Variants in DPP10 observed in about 807,000 individuals in gnomAD.
DPP10 encodes the protein dipeptidyl peptidase like 10.
DPP10 carries 33 observed loss-of-function variants against 120.9 expected under a neutral mutation model. That is an observed-to-expected ratio of 0.27 (90% CI 0.21 to 0.37). DPP10 has a LOEUF of 0.37. Ranked by LOEUF, DPP10 falls within the 10% of genes least tolerant of loss-of-function variation. The pLI is 1.00. For missense variants in DPP10, 816 were observed against 942.8 expected, an observed-to-expected ratio of 0.87 and a Z score of 1.76; for synonymous variants, 337 against 326.1, an observed-to-expected ratio of 1.03 and a Z score of -0.36.
intron 2 of DPP10, among the ~76,000 whole-genome samples, chr2:115,316,339 A>G (rs1574398029): frequency 1.3e-5 from 2 of 152,228 alleles, no homozygotes; most frequent in African/African-American, 2.4e-5. Flanking sequence ...AAGTTAAGAC[A>G]TATTCTTGTG....
chr2:115,512,187 A>G (rs1349672702), intron 4 of DPP10, among the ~76,000 whole-genome samples: 9 of 151,756 alleles, frequency 5.9e-5, no homozygotes, highest in Admixed American at 2.0e-4. Context: ...TGTAGCCCCA[A>G]TCTCCCAGGC....
intron 1 of DPP10, among the ~76,000 whole-genome samples, chr2:114,512,070 A>G (rs1172129457): frequency 6.6e-6 from 1 of 152,244 alleles, no homozygotes; most frequent in African/African-American, 2.4e-5. Context: ...GTCTTTGAAC[A>G]TAGCAATGAA....
chr2:115,258,446 G>A (rs1306385136), intron 1 of DPP10, among the ~76,000 whole-genome samples: 2 of 145,640 alleles, frequency 1.4e-5, no homozygotes, highest in African/African-American at 2.5e-5. Flanking sequence ...AAACAAAATT[G>A]TTCTAGCTTA....
chr2:115,071,511 G>C (rs1337939263), intron 1 of DPP10, among the ~76,000 whole-genome samples: 1 of 152,118 alleles, frequency 6.6e-6, no homozygotes, highest in Non-Finnish European at 1.5e-5. Flanking sequence ...AAGGAATTTA[G>C]CTATGTACAG....
At chr2:114,656,755 G>A (rs1362862190) in intron 1 of DPP10, among the ~76,000 whole-genome samples, 1 of 152,098 alleles carries the variant, frequency 6.6e-6, no homozygotes. Flanking sequence ...GAACAAATTA[G>A]AAAGTAGAGA....
intron 1 of DPP10, among the ~76,000 whole-genome samples, chr2:114,639,794 C>G (rs1425898990): frequency 1.3e-5 from 2 of 151,732 alleles, no homozygotes; most frequent in African/African-American, 4.9e-5. Flanking sequence ...CAAGTTATTA[C>G]CTTAACATAG....
Position 115,158,707 on chromosome 2 carries a change from T to C in DPP10, c.61-150532T>C, listed in dbSNP as rs1441573635. Reference sequence around the variant, plus strand: ...TGTAGAAAAACTTCCTTTACTGTTATATGAATGTTATAAAATGTATGCTTG... The same window carrying C: ...TGTAGAAAAACTTCCTTTACTGTTACATGAATGTTATAAAATGTATGCTTG... On this transcript the variant is annotated intron_variant, in intron 1 of 25. Coordinates refer to ENST00000410059, the MANE Select transcript of DPP10 (RefSeq NM_020868.6). 3.3e-5 allele frequency among the ~76,000 whole-genome samples: 5 copies of C among 152,354 alleles called. No homozygotes were observed. In the East Asian group the frequency reaches 7.7e-4, roughly 23 times the overall value.
intron 3 of DPP10, among the ~76,000 whole-genome samples, chr2:115,406,187 G>A (rs1201991814): frequency 2.0e-5 from 3 of 152,204 alleles, no homozygotes; most frequent in Non-Finnish European, 4.4e-5. Context: ...CCTAGGACAG[G>A]GACACAATAT....
intron 1 of DPP10, among the ~76,000 whole-genome samples, chr2:114,507,259 G>T (rs140348000): frequency 1.3e-5 from 2 of 151,870 alleles, no homozygotes; most frequent in Non-Finnish European, 2.9e-5. Flanking sequence ...GTGTTGTCCC[G>T]GCTGGCCTCA....
chr2:115,363,860 C>A (rs1027545237), intron 3 of DPP10, among the ~76,000 whole-genome samples: 1 of 152,146 alleles, frequency 6.6e-6, no homozygotes, highest in Non-Finnish European at 1.5e-5. Context: ...TGCCCATCAT[C>A]GGGCCAATAA....
intron 1 of DPP10, among the ~76,000 whole-genome samples, chr2:114,471,009 G>A (rs890811457): frequency 2.0e-5 from 3 of 152,170 alleles, no homozygotes; most frequent in Admixed American, 1.3e-4. Flanking sequence ...TTGTTAAATA[G>A]TCAAGTTTGG....
intron 5 of DPP10, among the ~76,000 whole-genome samples, chr2:115,584,272 C>T (rs1575245672): frequency 6.6e-6 from 1 of 152,154 alleles, no homozygotes; most frequent in East Asian, 1.9e-4. Flanking sequence ...AGTAGAGATA[C>T]TTCTGAAAAT....
At chr2:114,945,861 G>A (rs972420756) in intron 1 of DPP10, among the ~76,000 whole-genome samples, 1 of 152,000 alleles carries the variant, frequency 6.6e-6, no homozygotes, top group Non-Finnish European at 1.5e-5. Flanking sequence ...CCTCACAGTG[G>A]AGAAACCTCA....
At chr2:115,195,190 C>G (rs926539829) in intron 1 of DPP10, among the ~76,000 whole-genome samples, 7 of 152,116 alleles carry the variant, frequency 4.6e-5, no homozygotes, top group African/African-American at 1.7e-4. Flanking sequence ...AATTTGGATT[C>G]AATGTGGGTG....
At chr2:115,379,423 A>T (rs1388101654) in intron 3 of DPP10, among the ~76,000 whole-genome samples, 3 of 151,598 alleles carry the variant, frequency 2.0e-5, no homozygotes, top group Admixed American at 6.6e-5. Flanking sequence ...TTTTATTGCG[A>T]CTATTTGATT....
intron 1 of DPP10, among the ~76,000 whole-genome samples, chr2:115,277,127 A>G (rs1382403027): frequency 1.3e-5 from 2 of 152,214 alleles, no homozygotes; most frequent in Admixed American, 6.5e-5. Flanking sequence ...ATCAAGATGT[A>G]CATTATTAAA....
At chr2:115,302,035 G>C (rs2061161423) in intron 1 of DPP10, among the ~76,000 whole-genome samples, 1 of 152,030 alleles carries the variant, frequency 6.6e-6, no homozygotes, top group Non-Finnish European at 1.5e-5. Flanking sequence ...CAGGAAGTAT[G>C]ACTGGACGGC....
At chr2:114,948,084 A>G (rs1697501028) in intron 1 of DPP10, among the ~76,000 whole-genome samples, 1 of 151,924 alleles carries the variant, frequency 6.6e-6, no homozygotes, top group South Asian at 2.1e-4. Context: ...ATTTCTATAT[A>G]TATATTCTCT....
intron 1 of DPP10, among the ~76,000 whole-genome samples, chr2:114,723,514 A>G (rs1701840021): frequency 6.6e-6 from 1 of 152,224 alleles, no homozygotes; most frequent in Non-Finnish European, 1.5e-5. Flanking sequence ...ACTTCTCTAT[A>G]ATAAAAAGTA....
Sources: allele counts gnomAD v4.1 joint callset (sites outside exome capture counted in the v4.1 genomes callset), GRCh38; gene constraint gnomAD v4.1.1; transcripts MANE v1.5; gene names NCBI Gene and HGNC (gene_info 2026-07-23, HGNC 2026-07-21).